Variants in STRBP observed in about 807,000 individuals in gnomAD.
The protein encoded by STRBP is spermatid perinuclear RNA binding protein.
A neutral mutation model predicts 80.1 loss-of-function variants in STRBP; 13 were observed. The observed-to-expected ratio is 0.16, with a 90% confidence interval of 0.11 to 0.26. The LOEUF (loss-of-function observed/expected upper bound fraction) is 0.26, where lower values mean the gene tolerates loss of function less well. Among genes scored for constraint, STRBP ranks in the 10% least tolerant of loss-of-function variants. The pLI, the probability that STRBP is intolerant of heterozygous loss-of-function variation, is 1.00. For synonymous variants in STRBP, 284 were observed against 291.2 expected, an observed-to-expected ratio of 0.98 and a Z score of 0.25; for missense variants, 485 against 815.2, an observed-to-expected ratio of 0.59 and a Z score of 4.93.
At chr9:123,260,225 T>C (rs1038899632) in intron 1 of STRBP, among the ~76,000 whole-genome samples, 1 of 152,178 alleles carries the variant, frequency 6.6e-6, no homozygotes, top group East Asian at 1.9e-4. Context: ...CAGCTGTTAA[T>C]AGAATTTCAC....
chr9:123,197,905 C>T (rs2039161978), intron 2 of STRBP, among the ~76,000 whole-genome samples: 1 of 151,936 alleles, frequency 6.6e-6, no homozygotes, highest in African/African-American at 2.4e-5. Context: ...AACTCCTGAC[C>T]TCAAGTTATC....
intron 2 of STRBP, among the ~76,000 whole-genome samples, chr9:123,196,635 T>C (rs1376401954): frequency 6.6e-6 from 1 of 152,188 alleles, no homozygotes; most frequent in African/African-American, 2.4e-5. Flanking sequence ...TATGAAATGG[T>C]ACTCAACATC....
At position 123,139,675 on chromosome 9, in the gene STRBP, T is replaced by C. The variant is rs2036508098; in HGVS notation, c.1351A>G (p.Met451Val). 6.2e-7 allele frequency: 1 copy of C among 1,611,382 alleles called. No individual in the cohort carries two copies. The highest frequency in any genetic ancestry group is 1.3e-5 in the African/African-American group (1 of 74,858). The part of the protein sequence containing the change: ...LHVAVKVLQA[M>V]GYPTGFDADI... The stretch of plus-strand genomic sequence containing the variant: ...GCATCAAAGCCTGTTGGATATCCCA[T>C]TGCCTGCAATACCTGTACAAATTAC... The change falls in exon 14 of 19, where the codon ATG becomes GTG. Residue 451 changes from methionine (M) to valine (V), a missense_variant. Coordinates refer to ENST00000348403, the MANE Select transcript of STRBP (RefSeq NM_018387.5).
intron 14 of STRBP, 37 bp downstream of exon 14, chr9:123,139,492 A>G (rs1360527248): frequency 2.7e-6 from 4 of 1,505,818 alleles, no homozygotes; most frequent in Non-Finnish European, 3.6e-6. Flanking sequence ...CAATGCACAT[A>G]TATGTTATTT....
In STRBP at chr9:123,139,065, A is replaced by G. The variant is rs561787554; in HGVS notation, c.1497+464T>C. 5.3e-5 allele frequency among the ~76,000 whole-genome samples: 8 copies of G among 152,322 alleles called. No individual in the cohort carries two copies. The South Asian group carries it at 1.7e-3, about 32-fold the overall frequency. ...TCTGAGATACATACTGTGTCAGGCTATGCCTTCCTTCAGGGCTGGACCAAC... is the reference window on the plus strand; with the variant it reads ...TCTGAGATACATACTGTGTCAGGCTGTGCCTTCCTTCAGGGCTGGACCAAC... On this transcript the variant is annotated intron_variant, in intron 14 of 18. Transcript: ENST00000348403.
chr9:123,199,344 A>C (rs187705305), intron 2 of STRBP, among the ~76,000 whole-genome samples: 112 of 152,296 alleles, frequency 7.4e-4, no homozygotes, highest in Non-Finnish European at 2.1e-4. Context: ...TTTTGCTTAG[A>C]ATGGCTTTGA....
intron 2 of STRBP, among the ~76,000 whole-genome samples, chr9:123,206,915 G>A (rs1317047686): frequency 1.3e-5 from 2 of 152,170 alleles, no homozygotes; most frequent in Non-Finnish European, 2.9e-5. Flanking sequence ...TAGAATTACA[G>A]GCATGAGCCA....
intron 2 of STRBP, among the ~76,000 whole-genome samples, chr9:123,221,987 AC>A (rs1347646415): frequency 6.6e-6 from 1 of 152,160 alleles, no homozygotes; most frequent in Non-Finnish European, 1.5e-5. Flanking sequence ...GATCGTCCTT[AC>A]CTGAACCAGA....
At chr9:123,157,103 G>C (rs1433337703) in intron 11 of STRBP, among the ~76,000 whole-genome samples, 1 of 152,132 alleles carries the variant, frequency 6.6e-6, no homozygotes, top group African/African-American at 2.4e-5. Context: ...ACTAGGAAGT[G>C]GTGGAGCTAT....
chr9:123,253,150 A>C (rs899415608), intron 1 of STRBP, among the ~76,000 whole-genome samples: 1 of 152,252 alleles, frequency 6.6e-6, no homozygotes, highest in African/African-American at 2.4e-5. Flanking sequence ...CAAGCAAATC[A>C]ATTTATGAAT....
At chr9:123,116,402 A>G (rs1319217181) in intron 2 of STRBP, among the ~76,000 whole-genome samples, 2 of 152,220 alleles carry the variant, frequency 1.3e-5, no homozygotes, top group African/African-American at 4.8e-5. Flanking sequence ...GGGTTCAGTT[A>G]CAGTATAAAA....
chr9:123,139,408 C>G, intron 14 of STRBP, 121 bp downstream of exon 14: 2 of 794,700 alleles, frequency 2.5e-6, no homozygotes, highest in Non-Finnish European at 3.6e-6. Flanking sequence ...TTATGTCTGT[C>G]TCTGTAATTT....
intron 1 of STRBP, among the ~76,000 whole-genome samples, chr9:123,264,529 CCGTATTTA>C (rs763947790): frequency 7.2e-5 from 11 of 152,218 alleles, no homozygotes; most frequent in Non-Finnish European, 1.6e-4. Context: ...ACATCTATCC[CCGTATTTA>C]CGTAGCTCCA....
intron 3 of STRBP, among the ~76,000 whole-genome samples, chr9:123,181,158 C>T (rs1214026574): frequency 6.6e-6 from 1 of 152,170 alleles, no homozygotes; most frequent in Admixed American, 6.5e-5. Context: ...AATCATCTGT[C>T]TAGATGTCTT....
chr9:123,158,698 C>A (rs1162242945), intron 9 of STRBP, among the ~76,000 whole-genome samples: 1 of 152,160 alleles, frequency 6.6e-6, no homozygotes, highest in African/African-American at 2.4e-5. Flanking sequence ...AGAAACAGCA[C>A]AATGAATCAG....
intron 2 of STRBP, among the ~76,000 whole-genome samples, chr9:123,229,153 T>C (rs527967297): frequency 1.2e-4 from 19 of 152,078 alleles, no homozygotes; most frequent in Middle Eastern, 3.4e-3. Flanking sequence ...AGACAGAAAG[T>C]AGATTAGTAG....
chr9:123,125,778 ATCAG>A (rs1316206834), intron 18 of STRBP, 105 bp from the exon 19 acceptor site: 21 of 871,016 alleles, frequency 2.4e-5, no homozygotes, highest in Non-Finnish European at 3.3e-5. Flanking sequence ...CCTTTTCCAG[ATCAG>A]TCAGTCAACA....
chr9:123,128,190 A>AT (rs1352149670), intron 18 of STRBP, 24 bp downstream of exon 18: 6 of 1,613,952 alleles, frequency 3.7e-6, no homozygotes, highest in Admixed American at 1.7e-5. Context: ...CTAAGAGGAG[A>AT]TATCAGTAAG....
intron 1 of STRBP, among the ~76,000 whole-genome samples, chr9:123,242,590 G>GAA (rs1255707117): frequency 6.6e-6 from 1 of 152,140 alleles, no homozygotes; most frequent in African/African-American, 2.4e-5. Context: ...AACCCAGGAG[G>GAA]AAAAGGTTGC....
Sources: gnomAD v4.1 joint callset for allele counts (sites outside exome capture counted in the v4.1 genomes callset) on GRCh38, gnomAD v4.1.1 for gene constraint, MANE v1.5 for transcripts, NCBI Gene and HGNC (gene_info 2026-07-23, HGNC 2026-07-21) for gene names.